LIN7A: variants seen among roughly 807,000 people sequenced by gnomAD.
LIN7A encodes protein lin-7 homolog A.
LIN7A carries 25 observed loss-of-function variants against 29.8 expected under a neutral mutation model. The ratio of observed to expected loss-of-function variants is 0.84; its 90% CI spans 0.61 to 1.17. The LOEUF (loss-of-function observed/expected upper bound fraction) is 1.17. Among genes scored for constraint, LIN7A ranks in the 50% most tolerant of loss-of-function variants. The pLI, the probability that LIN7A is intolerant of heterozygous loss-of-function variation, is 0.00. For synonymous variants in LIN7A, 118 were observed against 107.5 expected (o/e 1.10, Z -0.60); for missense variants, 239 against 287.0 (o/e 0.83, Z 1.21).
At chr12:80,810,646 CT>C (rs1411767017) in intron 5 of LIN7A, among the ~76,000 whole-genome samples, 1 of 152,084 alleles carries the variant, frequency 6.6e-6, no homozygotes, top group Non-Finnish European at 1.5e-5. Flanking sequence ...ATTCTATGAA[CT>C]TTTTTGAGGA....
chr12:80,831,429 T>G (rs146950967), intron 4 of LIN7A, among the ~76,000 whole-genome samples: 62 of 152,270 alleles, frequency 4.1e-4, no homozygotes, highest in Non-Finnish European at 7.4e-4. Context: ...TAATTGATAA[T>G]GCATCAGGGG....
intron 2 of LIN7A, among the ~76,000 whole-genome samples, chr12:80,878,206 T>C (rs2047782461): frequency 1.3e-5 from 2 of 152,196 alleles, no homozygotes; most frequent in South Asian, 2.1e-4. Flanking sequence ...AGTGCAATTA[T>C]AGTTTAAGAT....
intron 1 of LIN7A, among the ~76,000 whole-genome samples, chr12:80,900,054 T>C (rs1876130316): frequency 6.6e-6 from 1 of 152,138 alleles, no homozygotes; most frequent in South Asian, 2.1e-4. Flanking sequence ...TTTGTGTGCA[T>C]AGAGCTGTTC....
At chr12:80,838,696 T>G (rs1218235842) in intron 4 of LIN7A, among the ~76,000 whole-genome samples, 1 of 152,208 alleles carries the variant, frequency 6.6e-6, no homozygotes, top group East Asian at 1.9e-4. Flanking sequence ...AAGCATCTGC[T>G]AACGACTTCT....
chr12:80,857,427 G>C (rs1206188929), intron 2 of LIN7A, among the ~76,000 whole-genome samples: 2 of 152,064 alleles, frequency 1.3e-5, no homozygotes, highest in Non-Finnish European at 2.9e-5. Context: ...ACAGAATGTG[G>C]AAGAGGATTT....
At chr12:80,909,901 G>C (rs1876670305) in intron 1 of LIN7A, among the ~76,000 whole-genome samples, 3 of 150,142 alleles carry the variant, frequency 2.0e-5, no homozygotes, top group African/African-American at 4.9e-5. Flanking sequence ...TTTTAATTGA[G>C]ATTGTCTTAC....
chr12:80,898,557 G>A (rs1000130868), intron 1 of LIN7A, among the ~76,000 whole-genome samples: 3 of 151,794 alleles, frequency 2.0e-5, no homozygotes, highest in African/African-American at 7.3e-5. Context: ...AATTGAATCT[G>A]TAAATGGCTT....
chr12:80,806,939 T>C (rs185548631), intron 5 of LIN7A, among the ~76,000 whole-genome samples: 1 of 152,310 alleles, frequency 6.6e-6, no homozygotes, highest in East Asian at 1.9e-4. Flanking sequence ...ACAAATTTCA[T>C]GTTCACTTAA....
At chr12:80,808,068 T>C (rs1220619460) in intron 5 of LIN7A, among the ~76,000 whole-genome samples, 2 of 152,170 alleles carry the variant, frequency 1.3e-5, no homozygotes, top group Non-Finnish European at 2.9e-5. Flanking sequence ...ATTGACCCCA[T>C]AGCCACCACC....
chr12:80,905,156 G>A (rs931804790), intron 1 of LIN7A, among the ~76,000 whole-genome samples: 1 of 150,188 alleles, frequency 6.7e-6, no homozygotes, highest in Non-Finnish European at 1.5e-5. Flanking sequence ...CTTCTTTAAA[G>A]TAAGTGTTGT....
intron 1 of LIN7A, among the ~76,000 whole-genome samples, chr12:80,896,563 T>C (rs892070650): frequency 2.0e-5 from 3 of 152,228 alleles, no homozygotes; most frequent in African/African-American, 4.8e-5. Context: ...CTGACCCTCA[T>C]CTCTGCTTTA....
At chr12:80,851,095 A>ATCATTACTATTTTGG (rs1873309480) in intron 2 of LIN7A, among the ~76,000 whole-genome samples, 1 of 152,144 alleles carries the variant, frequency 6.6e-6, no homozygotes, top group South Asian at 2.1e-4. Flanking sequence ...TTATATTAAA[A>ATCATTACTATTTTGG]CAGCATCAGA....
At chr12:80,805,263 C>T (rs150792748) in intron 5 of LIN7A, among the ~76,000 whole-genome samples, 3 of 152,016 alleles carry the variant, frequency 2.0e-5, no homozygotes, top group Non-Finnish European at 4.4e-5. Context: ...GGAGTCATCC[C>T]CTGGAACTTG....
At chr12:80,846,551 TCAAA>T (rs1424777748) in intron 3 of LIN7A, among the ~76,000 whole-genome samples, 1 of 152,168 alleles carries the variant, frequency 6.6e-6, no homozygotes, top group Non-Finnish European at 1.5e-5. Context: ...AATAATAGAT[TCAAA>T]CAGATTATTG....
chr12:80,889,192 A>T, intron 2 of LIN7A, 59 bp downstream of exon 2: 1 of 895,060 alleles, frequency 1.1e-6, no homozygotes, highest in Admixed American at 1.8e-5. Context: ...TAGAGAAGAC[A>T]TGTTTTCTAT....
intron 2 of LIN7A, among the ~76,000 whole-genome samples, chr12:80,853,945 C>T (rs180733500): frequency 5.9e-5 from 9 of 152,208 alleles, no homozygotes; most frequent in Non-Finnish European, 1.0e-4. Flanking sequence ...CCGACGGCCT[C>T]GGCTTCCCAA....
At chr12:80,872,758 T>C (rs1338103126) in intron 2 of LIN7A, among the ~76,000 whole-genome samples, 1 of 152,238 alleles carries the variant, frequency 6.6e-6, no homozygotes, top group Non-Finnish European at 1.5e-5. Flanking sequence ...GCGGCAGTAG[T>C]TGGCTCTGTC....
intron 4 of LIN7A, among the ~76,000 whole-genome samples, chr12:80,840,705 G>C (rs966883702): frequency 2.6e-5 from 4 of 152,150 alleles, no homozygotes; most frequent in African/African-American, 9.7e-5. Flanking sequence ...ATCTGCCTCA[G>C]AGTGTAAGGC....
At chr12:80,819,397 A>G (rs1236603777) in intron 4 of LIN7A, among the ~76,000 whole-genome samples, 1 of 152,194 alleles carries the variant, frequency 6.6e-6, no homozygotes, top group Non-Finnish European at 1.5e-5. Context: ...AAATATGCTA[A>G]TGATCTCCCA....
Sources: gnomAD v4.1 joint callset for allele counts (sites outside exome capture counted in the v4.1 genomes callset) on GRCh38, gnomAD v4.1.1 for gene constraint, MANE v1.5 for transcripts, NCBI Gene and HGNC (gene_info 2026-07-23, HGNC 2026-07-21) for gene names.